SNTG1: variants seen among roughly 807,000 people sequenced by gnomAD.
SNTG1 encodes gamma-1-syntrophin.
Under a neutral mutation model 74.7 loss-of-function variants are expected in SNTG1, and 39 were observed. The ratio of observed to expected loss-of-function variants is 0.52; its 90% CI spans 0.40 to 0.68. SNTG1 has a LOEUF of 0.68. Ranked by LOEUF, SNTG1 falls within the 30% of genes least tolerant of loss-of-function variation. The probability of loss-of-function intolerance (pLI) is 0.00; values close to 1 mark genes in which losing one functional copy is unlikely to be tolerated. For synonymous variants in SNTG1, 254 were observed against 217.1 expected, an observed-to-expected ratio of 1.17 and a Z score of -1.49; for missense variants, 685 against 609.5, an observed-to-expected ratio of 1.12 and a Z score of -1.30.
chr8:50,766,249 T>C (rs995194728), intron 18 of SNTG1, among the ~76,000 whole-genome samples: 2 of 152,060 alleles, frequency 1.3e-5, no homozygotes, highest in African/African-American at 2.4e-5. Context: ...TATTTCTTGC[T>C]CTGATCTCTC....
At chr8:50,227,095 C>A (rs1013152937) in intron 2 of SNTG1, among the ~76,000 whole-genome samples, 2 of 151,946 alleles carry the variant, frequency 1.3e-5, no homozygotes, top group African/African-American at 4.8e-5. Context: ...TTGTACTTAC[C>A]AATAACCGAA....
intron 2 of SNTG1, among the ~76,000 whole-genome samples, chr8:50,301,043 A>G (rs2089622659): frequency 6.6e-6 from 1 of 151,974 alleles, no homozygotes. Context: ...AGAATTATCT[A>G]GGTGTGTGTT....
chr8:50,356,197 G>T (rs897511140), intron 2 of SNTG1, among the ~76,000 whole-genome samples: 1 of 151,986 alleles, frequency 6.6e-6, no homozygotes, highest in Non-Finnish European at 1.5e-5. Context: ...AATATGTACT[G>T]AGTTCACCAT....
chr8:50,508,652 G>A (rs975343167), intron 9 of SNTG1, among the ~76,000 whole-genome samples: 1 of 152,132 alleles, frequency 6.6e-6, no homozygotes, highest in Non-Finnish European at 1.5e-5. Context: ...GTTTTGATTT[G>A]CATTTCTCTG....
chr8:50,326,055 G>T (rs1225580814), intron 2 of SNTG1, among the ~76,000 whole-genome samples: 1 of 151,962 alleles, frequency 6.6e-6, no homozygotes, highest in Non-Finnish European at 1.5e-5. Context: ...TGATGAAACA[G>T]CTTTGGAGCC....
intron 1 of SNTG1, among the ~76,000 whole-genome samples, chr8:50,034,139 T>C (rs907373824): frequency 6.6e-6 from 1 of 152,210 alleles, no homozygotes; most frequent in Non-Finnish European, 1.5e-5. Flanking sequence ...GGCACATTTC[T>C]CTCAGGATCT....
At chr8:49,937,428 G>T (rs937735828) in intron 1 of SNTG1, among the ~76,000 whole-genome samples, 1 of 152,136 alleles carries the variant, frequency 6.6e-6, no homozygotes, top group African/African-American at 2.4e-5. Flanking sequence ...TTAAATATGT[G>T]CAGTTTGTTA....
chr8:50,710,987 A>C (rs1407968516), intron 17 of SNTG1, among the ~76,000 whole-genome samples: 1 of 152,164 alleles, frequency 6.6e-6, no homozygotes, highest in Non-Finnish European at 1.5e-5. Flanking sequence ...ATTAATCAAG[A>C]AGGTTATATT....
In SNTG1 at chr8:50,793,176, A is replaced by G. The variant is rs1350798709; in HGVS notation, c.*347A>G. 1 of 166,834 alleles carries G rather than the reference A, an allele frequency of 6.0e-6. No individual in the cohort carries two copies. The highest frequency in any genetic ancestry group is 1.3e-5 in the Non-Finnish European group (1 of 78,290). 10.3% of individuals were successfully genotyped at this position (166,834 alleles called of 1,614,324 possible). On this transcript the variant is annotated 3_prime_UTR_variant, in exon 19 of 19. Coordinates refer to ENST00000642720, the MANE Select transcript of SNTG1 (RefSeq NM_018967.5). ...TATGAATAAAAATACTTATTAAATG[A>G]TTACTTCTGTATTTTAGATTATTTT...
In SNTG1 at chr8:50,336,500, C is replaced by CT. The variant is rs537904523; in HGVS notation, c.-27-57704dup. Among the ~76,000 whole-genome samples the CT allele has an allele frequency of 8.7e-4, 132 of 151,980 alleles. 2 individuals carry two copies. In the Middle Eastern group the frequency reaches 0.01, roughly 12 times the overall value. ...CTAGATTGTCTAAACCAGAGGTGGT[C>CT]TTTTTTTTCCTTATATTTTTAACAA... is the stretch of plus-strand genomic sequence containing the variant. On this transcript the variant is annotated intron_variant, in intron 2 of 18. Coordinates refer to ENST00000642720, the MANE Select transcript of SNTG1 (RefSeq NM_018967.5).
chr8:50,534,797 T>G (rs2094295793), intron 10 of SNTG1, among the ~76,000 whole-genome samples: 1 of 152,086 alleles, frequency 6.6e-6, no homozygotes, highest in Non-Finnish European at 1.5e-5. Context: ...TAAAAAAACC[T>G]TCTGTTTTTC....
intron 13 of SNTG1, among the ~76,000 whole-genome samples, chr8:50,623,079 G>A (rs2131056833): frequency 6.6e-6 from 1 of 152,036 alleles, no homozygotes; most frequent in Admixed American, 6.6e-5. Context: ...TTTGTGTGTG[G>A]AATCTTTAGG....
intron 13 of SNTG1, among the ~76,000 whole-genome samples, chr8:50,606,286 T>G (rs1168527513): frequency 6.6e-6 from 1 of 152,138 alleles, no homozygotes; most frequent in Non-Finnish European, 1.5e-5. Context: ...TTGAGATCCA[T>G]GAAGATAGGT....
intron 1 of SNTG1, among the ~76,000 whole-genome samples, chr8:50,032,380 T>A (rs993900928): frequency 5.3e-5 from 8 of 152,234 alleles, no homozygotes; most frequent in Middle Eastern, 3.4e-3. Context: ...GCAGATTAGA[T>A]TTTTAGTTTG....
At chr8:50,609,290 CT>C (rs1220354870) in intron 13 of SNTG1, among the ~76,000 whole-genome samples, 1 of 152,024 alleles carries the variant, frequency 6.6e-6, no homozygotes, top group Admixed American at 6.6e-5. Flanking sequence ...GTTGTTGCTT[CT>C]GAAGGATAGT....
At chr8:50,328,762 C>T (rs1039645109) in intron 2 of SNTG1, among the ~76,000 whole-genome samples, 1 of 152,078 alleles carries the variant, frequency 6.6e-6, no homozygotes, top group African/African-American at 2.4e-5. Flanking sequence ...GCCCATGGCC[C>T]CTCCCAAATC....
intron 2 of SNTG1, among the ~76,000 whole-genome samples, chr8:50,230,688 G>A (rs926264126): frequency 6.6e-5 from 10 of 151,136 alleles, no homozygotes; most frequent in African/African-American, 2.4e-4. Flanking sequence ...GAGAAAACAG[G>A]ATATCCACAT....
chr8:50,220,013 T>C (rs1047456383), intron 2 of SNTG1, among the ~76,000 whole-genome samples: 4 of 152,218 alleles, frequency 2.6e-5, no homozygotes, highest in South Asian at 2.1e-4. Context: ...CTTTAAAATA[T>C]ATAAAGTCAA....
intron 15 of SNTG1, among the ~76,000 whole-genome samples, chr8:50,671,946 A>G (rs1168263548): frequency 1.5e-4 from 23 of 150,520 alleles, no homozygotes; most frequent in Non-Finnish European, 5.9e-5. Context: ...TCGCAAGGAC[A>G]AAAAACTAAA....
Sources: gnomAD v4.1 joint callset for allele counts (sites outside exome capture counted in the v4.1 genomes callset) on GRCh38, gnomAD v4.1.1 for gene constraint, MANE v1.5 for transcripts, NCBI Gene and HGNC (gene_info 2026-07-23, HGNC 2026-07-21) for gene names.